Variants in NEMP2 observed in about 807,000 individuals in gnomAD.
NEMP2 encodes nuclear envelope integral membrane protein 2.
A neutral mutation model predicts 54.2 loss-of-function variants in NEMP2; 53 were observed. That is an observed-to-expected ratio of 0.98 (90% CI 0.78 to 1.23). The LOEUF (loss-of-function observed/expected upper bound fraction) is 1.23. Among genes scored for constraint, NEMP2 ranks in the 50% most tolerant of loss-of-function variants. The probability of loss-of-function intolerance (pLI) is 0.00; values close to 1 mark genes in which losing one functional copy is unlikely to be tolerated. For synonymous variants in NEMP2, 197 were observed against 190.3 expected, an observed-to-expected ratio of 1.04 and a Z score of -0.29; for missense variants, 455 against 511.3, an observed-to-expected ratio of 0.89 and a Z score of 1.06.
the NEMP2 span, among the ~76,000 whole-genome samples, chr2:190,619,038 G>C: frequency 6.6e-6 from 1 of 152,192 alleles, no homozygotes; most frequent in Non-Finnish European, 1.5e-5. This position sits in a 1 kb window ranked among gnomAD's most constrained non-coding sequence, Gnocchi z 5.5. Flanking sequence ...CTATCAGAGA[G>C]AGCAAAGCTA....
chr2:190,533,713 G>A lies in NEMP2; in HGVS notation c.97+846C>T, dbSNP rs1046015979. Among the ~76,000 whole-genome samples, 4 of 151,952 alleles carry A rather than the reference G, an allele frequency of 2.6e-5. No individual in the cohort carries two copies. Among genetic ancestry groups the A allele is most frequent in the Admixed American group, 6.5e-5 (1 of 15,268 alleles). On this transcript the variant is annotated intron_variant, in intron 1 of 8. Transcript: ENST00000409150. This position sits in a 1 kb window ranked among gnomAD's most constrained non-coding sequence, Gnocchi z 4.3. ...CTCCCTTGAAACCAGGGTAGCCAAA[G>A]CAAGGAAGGGAAGTTGGTAGACAGT...
chr2:190,582,876 C>A, the NEMP2 span, among the ~76,000 whole-genome samples: 7 of 152,162 alleles, frequency 4.6e-5, no homozygotes, highest in Admixed American at 6.5e-5. The surrounding 1 kb of genome is among the most constrained non-coding windows in gnomAD (Gnocchi z 4.6). Flanking sequence ...CCTCAATTGG[C>A]CTCAGAAGTT....
rs1255174847 is a variant in NEMP2, at chr2:190,507,512, A to T, written c.*1677T>A. 2 of 151,560 alleles carry T rather than the reference A, an allele frequency of 1.3e-5. No homozygotes were observed. The highest frequency in any genetic ancestry group is 2.9e-5 in the Non-Finnish European group (2 of 68,030). The allele number at this position is 151,560 out of a possible 1,614,324, so 9.4% of individuals were successfully genotyped here. On this transcript the variant is annotated 3_prime_UTR_variant, in exon 9 of 9. Transcript: ENST00000409150. This position sits in a 1 kb window ranked among gnomAD's most constrained non-coding sequence, Gnocchi z 4.4. ...TTTATATCACCAATAAATATAATTT[A>T]AAAAAACAGATTAAACCATAAGAAA...
chr2:190,516,413 T>A, intron 5 of NEMP2, 29 bp from the exon 6 acceptor site: 1 of 1,498,450 alleles, frequency 6.7e-7, no homozygotes, highest in Non-Finnish European at 9.0e-7. Flanking sequence ...AAATGACACA[T>A]TTTTTGGTTC....
chr2:190,573,361 T>G, the NEMP2 span, among the ~76,000 whole-genome samples: 1 of 152,210 alleles, frequency 6.6e-6, no homozygotes, highest in Non-Finnish European at 1.5e-5. Context: ...AAGACAGATA[T>G]GACCTTGGGA....
chr2:190,537,392 G>C (rs1275237551), upstream of NEMP2, among the ~76,000 whole-genome samples: 1 of 152,190 alleles, frequency 6.6e-6, no homozygotes, highest in East Asian at 1.9e-4. Flanking sequence ...AATCATGGGG[G>C]TTATTCTTAT....
In NEMP2 at chr2:190,514,813, G is replaced by A. The variant is rs576929951; in HGVS notation, c.728-135C>T. The A allele has an allele frequency of 4.9e-4, 392 of 798,112 alleles. 3 individuals carry two copies. In the South Asian group the frequency reaches 6.3e-3, roughly 13 times the overall value. 49.4% of individuals were successfully genotyped at this position (798,112 alleles called of 1,614,324 possible). A position where few individuals can be genotyped will look rare whatever the true frequency, so the allele number is the denominator to read the frequency against. On this transcript the variant is annotated intron_variant, in intron 6 of 8. Transcript: ENST00000409150. This position sits in a 1 kb window ranked among gnomAD's most constrained non-coding sequence, Gnocchi z 5.7. ...TTGTGTTTTTTACCCCATAAAGTAA[G>A]GTTGAAAAATGCACATAGGGTGTTA...
chr2:190,589,526 A>G, the NEMP2 span, among the ~76,000 whole-genome samples: 1 of 152,076 alleles, frequency 6.6e-6, no homozygotes, highest in Non-Finnish European at 1.5e-5. The surrounding 1 kb of genome is among the most constrained non-coding windows in gnomAD (Gnocchi z 4.3). Flanking sequence ...GCTTTGGGGG[A>G]ATACTCTATC....
At chr2:190,438,606 T>G in the NEMP2 span, among the ~76,000 whole-genome samples, 2 of 152,236 alleles carry the variant, frequency 1.3e-5, no homozygotes, top group African/African-American at 2.4e-5. The surrounding 1 kb of genome is among the most constrained non-coding windows in gnomAD (Gnocchi z 5.2). Context: ...TTAGAGATCT[T>G]TCTGCTCTGT....
chr2:190,479,446 GTTTATA>G, the NEMP2 span, among the ~76,000 whole-genome samples: 1 of 152,128 alleles, frequency 6.6e-6, no homozygotes, highest in Non-Finnish European at 1.5e-5. Context: ...GTGGTGAATA[GTTTATA>G]TTTATTTCTC....
At chr2:190,626,932 C>T in the NEMP2 span, 1 of 152,150 alleles carries the variant, frequency 6.6e-6, no homozygotes, top group Non-Finnish European at 1.5e-5. The surrounding 1 kb of genome is among the most constrained non-coding windows in gnomAD (Gnocchi z 4.5). Context: ...AAAATTGGAC[C>T]TCAGCTCTTC....
chr2:190,598,647 G>A, the NEMP2 span, among the ~76,000 whole-genome samples: 2 of 152,156 alleles, frequency 1.3e-5, no homozygotes, highest in African/African-American at 4.8e-5. Flanking sequence ...AGGCTTTACT[G>A]CGATTCTCAA....
At chr2:190,432,842 T>C in the NEMP2 span, among the ~76,000 whole-genome samples, 4 of 126,028 alleles carry the variant, frequency 3.2e-5, no homozygotes, top group South Asian at 2.8e-4. Context: ...ACACACACAC[T>C]CTCTCTCTCT....
At chr2:190,468,879 G>A in the NEMP2 span, among the ~76,000 whole-genome samples, 1 of 152,076 alleles carries the variant, frequency 6.6e-6, no homozygotes, top group Admixed American at 6.5e-5. Flanking sequence ...ATTAAGGTTA[G>A]GAAAATTAAC....
the NEMP2 span, among the ~76,000 whole-genome samples, chr2:190,438,420 G>A: frequency 1.3e-5 from 2 of 152,240 alleles, no homozygotes; most frequent in East Asian, 1.9e-4. The surrounding 1 kb of genome is among the most constrained non-coding windows in gnomAD (Gnocchi z 5.2). Context: ...GGAGGCTGAC[G>A]CACAAGAATC....
At chr2:190,572,871 A>T in the NEMP2 span, among the ~76,000 whole-genome samples, 1 of 127,512 alleles carries the variant, frequency 7.8e-6, no homozygotes, top group South Asian at 2.5e-4. Context: ...ATATATATAT[A>T]TATATGTATA....
chr2:190,500,130 C>G (rs377605215), downstream of NEMP2: 3 of 1,614,160 alleles, frequency 1.9e-6, no homozygotes, highest in Non-Finnish European at 2.5e-6. The surrounding 1 kb of genome is among the most constrained non-coding windows in gnomAD (Gnocchi z 5.3). Context: ...GCATCTCAGA[C>G]GCAGACCAGC....
At chr2:190,492,967 TA>T in the NEMP2 span, among the ~76,000 whole-genome samples, 113 of 149,816 alleles carry the variant, frequency 7.5e-4, no homozygotes, top group Middle Eastern at 3.4e-3. The surrounding 1 kb of genome is among the most constrained non-coding windows in gnomAD (Gnocchi z 5.2). Flanking sequence ...AAAATACAAT[TA>T]AAAAAAAAAG....
the NEMP2 span, among the ~76,000 whole-genome samples, chr2:190,474,323 A>C: frequency 2.0e-5 from 3 of 152,332 alleles, no homozygotes; most frequent in South Asian, 6.2e-4. Flanking sequence ...CGCTAGCAAG[A>C]CTAATAAAGA....
Sources: gnomAD v4.1 joint callset for allele counts (sites outside exome capture counted in the v4.1 genomes callset) on GRCh38, gnomAD v4.1.1 for gene constraint, Gnocchi (gnomAD v3.1) non-coding constraint, MANE v1.5 for transcripts, NCBI Gene and HGNC (gene_info 2026-07-23, HGNC 2026-07-21) for gene names.